Variants in OSBPL5 observed in about 807,000 individuals in gnomAD.
OSBPL5 encodes the protein oxysterol binding protein like 5.
In OSBPL5, 71 loss-of-function variants were observed where a neutral mutation model predicts 111.2. The ratio of observed to expected loss-of-function variants is 0.64; its 90% CI spans 0.53 to 0.78. OSBPL5 has a LOEUF of 0.78. Ranked by LOEUF, OSBPL5 falls within the 30% of genes least tolerant of loss-of-function variation. The probability of loss-of-function intolerance (pLI) is 0.00; values close to 1 mark genes in which losing one functional copy is unlikely to be tolerated. For missense variants in OSBPL5, 1,210 were observed against 1,189.3 expected (o/e 1.02, Z -0.26); for synonymous variants, 549 against 513.9 (o/e 1.07, Z -0.93).
chr11:3,154,783 G>A lies in OSBPL5; in HGVS notation c.-22+10433C>T, dbSNP rs891539243. 6.6e-6 allele frequency among the ~76,000 whole-genome samples: 1 copy of A among 151,982 alleles called. No homozygotes were observed. Among genetic ancestry groups the A allele is most frequent in the Admixed American group, 6.6e-5 (1 of 15,266 alleles). On this transcript the variant is annotated intron_variant, in intron 1 of 21. Transcript: ENST00000263650. This position sits in a 1 kb window ranked among gnomAD's most constrained non-coding sequence, Gnocchi z 4.9. ...AGAAAGCGGCTGTACTTGGAGATGG[G>A]GTCTTTAAAGAGCCCCCTATATACC... is the stretch of plus-strand genomic sequence containing the variant.
rs1190784428 is a variant in OSBPL5 at position 3,146,238 on chromosome 11, GC to G, written c.-21-17070del. 1.3e-5 allele frequency: 2 copies of G among 152,104 alleles called. No homozygotes were observed. The highest frequency in any genetic ancestry group is 2.9e-5 in the Non-Finnish European group (2 of 68,058). 9.4% of individuals were successfully genotyped at this position (152,104 alleles called of 1,614,324 possible). A position where few individuals can be genotyped will look rare whatever the true frequency, so the allele number is the denominator to read the frequency against. ...CAGACACACTGCCCTTATGAGCTGC[GC>G]CCCCACCCCCAAACCCACCTCTGGG... On this transcript the variant is annotated intron_variant, in intron 1 of 21. Coordinates refer to ENST00000263650, the MANE Select transcript of OSBPL5 (RefSeq NM_020896.4). The surrounding 1 kb of genome is among the most constrained non-coding windows in gnomAD (Gnocchi z 7.8).
chr11:3,156,382 G>A (rs746851374), intron 1 of OSBPL5, among the ~76,000 whole-genome samples: 3 of 152,180 alleles, frequency 2.0e-5, no homozygotes, highest in African/African-American at 4.8e-5. Flanking sequence ...CTGTTTTTGC[G>A]ACTTCTCTGC....
rs1188556685 is a variant in OSBPL5, at chr11:3,121,089, C to G, written c.403-465G>C. ...TTTTTTTTTTTTTTTGAGACAGAGT[C>G]TCTGTTGCCCAGGCTGGAGGTGCAG... On this transcript the variant is annotated intron_variant, in intron 5 of 21. Coordinates refer to ENST00000263650, the MANE Select transcript of OSBPL5 (RefSeq NM_020896.4). This position sits in a 1 kb window ranked among gnomAD's most constrained non-coding sequence, Gnocchi z 4.3. 7.3e-6 allele frequency among the ~76,000 whole-genome samples: 1 copy of G among 137,248 alleles called. No individual in the cohort carries two copies. The highest frequency in any genetic ancestry group is 1.5e-5 in the Non-Finnish European group (1 of 65,006). 90.0% of individuals were successfully genotyped at this position (137,248 alleles called of 152,430 possible). A position where few individuals can be genotyped will look rare whatever the true frequency, so the allele number is the denominator to read the frequency against.
At chr11:3,133,448 C>T (rs1018449016) in intron 1 of OSBPL5, among the ~76,000 whole-genome samples, 6 of 152,360 alleles carry the variant, frequency 3.9e-5, no homozygotes, top group African/African-American at 1.2e-4. Flanking sequence ...CCCCGGGCCA[C>T]GCTCCGGCCA....
intron 1 of OSBPL5, among the ~76,000 whole-genome samples, chr11:3,148,261 G>A (rs1004858419): frequency 6.6e-6 from 1 of 152,236 alleles, no homozygotes; most frequent in African/African-American, 2.4e-5. Context: ...ACTCCCCAAG[G>A]TCATGAGGGG....
chr11:3,093,456 C>T (rs1477368103), intron 17 of OSBPL5, 71 bp downstream of exon 17: 5 of 1,576,404 alleles, frequency 3.2e-6, no homozygotes, highest in Non-Finnish European at 3.4e-6. Flanking sequence ...AGCACTGTAG[C>T]CCTGCTGACC....
chr11:3,097,303 C>T (rs918915953), intron 14 of OSBPL5, among the ~76,000 whole-genome samples: 1 of 152,042 alleles, frequency 6.6e-6, no homozygotes, highest in African/African-American at 2.4e-5. Context: ...TCTCACATGG[C>T]TACACCCTCA....
At chr11:3,108,910 A>C (rs1857808362) in intron 7 of OSBPL5, among the ~76,000 whole-genome samples, 1 of 152,082 alleles carries the variant, frequency 6.6e-6, no homozygotes, top group Non-Finnish European at 1.5e-5. Context: ...CTGGGATTAC[A>C]GGCATGCACC....
At chr11:3,090,140 A>G (rs1452628481) in intron 20 of OSBPL5, among the ~76,000 whole-genome samples, 192 bp from the exon 21 acceptor site, 1 of 151,468 alleles carries the variant, frequency 6.6e-6, no homozygotes, top group Non-Finnish European at 1.5e-5. Context: ...TCTGGAGGGA[A>G]CCCCCAGGCT....
chr11:3,091,277 G>C (rs1479851764), intron 19 of OSBPL5, among the ~76,000 whole-genome samples: 1 of 152,262 alleles, frequency 6.6e-6, no homozygotes, highest in Non-Finnish European at 1.5e-5. Context: ...TGGGGAAAAA[G>C]CAGAACCTGG....
At chr11:3,156,364 G>C (rs1221907723) in intron 1 of OSBPL5, among the ~76,000 whole-genome samples, 2 of 152,214 alleles carry the variant, frequency 1.3e-5, no homozygotes, top group Non-Finnish European at 2.9e-5. Flanking sequence ...GCAGAGGGCG[G>C]TCAACTACTG....
chr11:3,094,350 T>C lies in OSBPL5; in HGVS notation c.1622-16A>G, dbSNP rs1857174437. 2 of 1,608,888 alleles carry C rather than the reference T, an allele frequency of 1.2e-6. No homozygotes were observed. Among genetic ancestry groups the C allele is most frequent in the African/African-American group, 1.4e-5 (1 of 73,782 alleles). On this transcript the variant is annotated splice_polypyrimidine_tract_variant and intron_variant, in intron 14 of 21. Coordinates refer to ENST00000263650, the MANE Select transcript of OSBPL5 (RefSeq NM_020896.4). ...TACAGGATTCCTGAAATGCAGCCAG[T>C]GTCAGGGGCCAGGCGGCCCCAGCCC...
Position 3,130,155 on chromosome 11 carries a change from T to A in OSBPL5, c.-21-986A>T, listed in dbSNP as rs1201753024. 6.6e-6 allele frequency among the ~76,000 whole-genome samples: 1 copy of A among 152,248 alleles called. No homozygotes were observed. The highest frequency in any genetic ancestry group is 1.5e-5 in the Non-Finnish European group (1 of 68,038). ...CTGAGGTCTCAGCCCATTTTACAGA[T>A]GAGAAAATCATGGCTCAGGGAGTGG... is the stretch of plus-strand genomic sequence containing the variant. On this transcript the variant is annotated intron_variant, in intron 1 of 21. Coordinates refer to ENST00000263650, the MANE Select transcript of OSBPL5 (RefSeq NM_020896.4). The surrounding 1 kb of genome is among the most constrained non-coding windows in gnomAD (Gnocchi z 4.5).
chr11:3,157,336 C>T (rs563762544), intron 1 of OSBPL5, among the ~76,000 whole-genome samples: 2 of 152,298 alleles, frequency 1.3e-5, no homozygotes, highest in African/African-American at 4.8e-5. Flanking sequence ...GGAGCCTGGA[C>T]TTACGAGAGG....
At position 3,122,331 on chromosome 11, in the gene OSBPL5, C is replaced by A; in HGVS notation, c.300+17G>T. The stretch of plus-strand genomic sequence containing the variant: ...CTGACAGTGACACTGCTGCACCCTC[C>A]CCGGGCCCGGGCTCACCTTGAGAGT... On this transcript the variant is annotated intron_variant, in intron 4 of 21. Transcript: ENST00000263650. The A allele has an allele frequency of 6.2e-7, 1 of 1,610,618 alleles. No homozygotes were observed. The highest frequency in any genetic ancestry group is 8.5e-7 in the Non-Finnish European group (1 of 1,178,458).
Position 3,107,690 on chromosome 11 carries a change from G to A in OSBPL5, c.866+81C>T, listed in dbSNP as rs1266758145. On this transcript the variant is annotated intron_variant, in intron 8 of 21. Transcript: ENST00000263650. The surrounding 1 kb of genome is among the most constrained non-coding windows in gnomAD (Gnocchi z 6.1). ...CCTGCAGCCCACCAGAGCAGTGGCT[G>A]GGGCTGTCCTCTCCCCTCTTCCTCG... 1.9e-6 allele frequency: 3 copies of A among 1,545,270 alleles called. No homozygotes were observed. The highest frequency in any genetic ancestry group is 2.6e-6 in the Non-Finnish European group (3 of 1,137,172).
At chr11:3,123,363 AT>A (rs1858491048) in intron 3 of OSBPL5, among the ~76,000 whole-genome samples, 1 of 152,242 alleles carries the variant, frequency 6.6e-6, no homozygotes, top group Non-Finnish European at 1.5e-5. Flanking sequence ...TTGAAAAAAA[AT>A]CACAAGAATA....
intron 7 of OSBPL5, among the ~76,000 whole-genome samples, chr11:3,115,828 G>C (rs1247050981): frequency 6.7e-6 from 1 of 149,540 alleles, no homozygotes; most frequent in Non-Finnish European, 1.5e-5. Flanking sequence ...AGGGCTTATT[G>C]TTTGGAAAAC....
rs1023727003 is a variant in OSBPL5, at chr11:3,092,997, G to C, written c.2002C>G (p.Gln668Glu). 6.2e-7 allele frequency: 1 copy of C among 1,605,526 alleles called. No homozygotes were observed. Residue 668 changes from glutamine (Q) to glutamate (E), a missense_variant, in exon 18 of 22, where the codon CAG becomes GAG. By Grantham distance (29) the Gln-to-Glu change is conservative (BLOSUM62 2). Transcript: ENST00000263650. This position sits in a 1 kb window ranked among gnomAD's most constrained non-coding sequence, Gnocchi z 5.4. ...ISKGDQHRAT[Q>E]EKFALEEAQR... ...GCCTCCTCCAGTGCAAACTTCTCCT[G>C]TGTGGCCCTGTGCTGGTCGCCCTTG...
Sources: allele counts gnomAD v4.1 joint callset (sites outside exome capture counted in the v4.1 genomes callset), GRCh38; gene constraint gnomAD v4.1.1; non-coding constraint Gnocchi (gnomAD v3.1); transcripts MANE v1.5; gene names NCBI Gene and HGNC (gene_info 2026-07-23, HGNC 2026-07-21).